Variants in RNGTT observed in about 807,000 individuals in gnomAD.
RNGTT encodes RNA guanylyltransferase and 5'-phosphatase.
In RNGTT, 33 loss-of-function variants were observed where a neutral mutation model predicts 79.3. The ratio of observed to expected loss-of-function variants is 0.42; its 90% CI spans 0.32 to 0.56. The LOEUF is 0.56. Among genes scored for constraint, RNGTT ranks in the 20% least tolerant of loss-of-function variants. The probability of loss-of-function intolerance (pLI) is 0.17; values close to 1 mark genes in which losing one functional copy is unlikely to be tolerated. For synonymous variants in RNGTT, 222 were observed against 235.9 expected (o/e 0.94, Z 0.54); for missense variants, 497 against 739.1 (o/e 0.67, Z 3.80).
intron 13 of RNGTT, among the ~76,000 whole-genome samples, chr6:88,686,688 T>C (rs1217135236): frequency 1.3e-5 from 2 of 152,128 alleles, no homozygotes; most frequent in Non-Finnish European, 2.9e-5. Flanking sequence ...ATCTTTCTAA[T>C]AAATAGTGCA....
chr6:88,898,368 G>A (rs1481476238), intron 6 of RNGTT, among the ~76,000 whole-genome samples: 1 of 151,810 alleles, frequency 6.6e-6, no homozygotes, highest in African/African-American at 2.4e-5. Flanking sequence ...TTTTCATGCT[G>A]CATGCTGGAA....
intron 13 of RNGTT, among the ~76,000 whole-genome samples, chr6:88,690,310 T>A (rs1412523410): frequency 2.0e-5 from 3 of 152,114 alleles, no homozygotes; most frequent in African/African-American, 7.2e-5. Flanking sequence ...CCTATGGTTA[T>A]GTAAGATATT....
chr6:88,657,159 G>A (rs1774010180), intron 14 of RNGTT, among the ~76,000 whole-genome samples: 1 of 152,184 alleles, frequency 6.6e-6, no homozygotes, highest in Non-Finnish European at 1.5e-5. Flanking sequence ...GAAGTGGCTT[G>A]CTGCTGCAAA....
chr6:88,859,392 T>A (rs1781938279), intron 8 of RNGTT, among the ~76,000 whole-genome samples: 1 of 152,158 alleles, frequency 6.6e-6, no homozygotes, highest in Non-Finnish European at 1.5e-5. Context: ...GGAAGCACTA[T>A]GACCCGCAGG....
intron 11 of RNGTT, among the ~76,000 whole-genome samples, chr6:88,807,373 T>C (rs963465027): frequency 2.6e-5 from 4 of 151,878 alleles, no homozygotes; most frequent in African/African-American, 9.7e-5. Flanking sequence ...CAATTGAAAA[T>C]GCAGAAATAA....
intron 11 of RNGTT, among the ~76,000 whole-genome samples, chr6:88,806,969 C>T (rs956681280): frequency 4.6e-5 from 7 of 152,148 alleles, no homozygotes; most frequent in African/African-American, 1.4e-4. Flanking sequence ...AAGCCATTAT[C>T]CTCGGCAAAC....
chr6:88,679,478 A>G (rs954348979), intron 13 of RNGTT, among the ~76,000 whole-genome samples: 12 of 152,326 alleles, frequency 7.9e-5, no homozygotes, highest in Admixed American at 6.5e-4. Flanking sequence ...AATGGCATAT[A>G]TTTTATTTTG....
intron 11 of RNGTT, among the ~76,000 whole-genome samples, chr6:88,830,475 G>A (rs1006696366): frequency 6.6e-6 from 1 of 152,072 alleles, no homozygotes; most frequent in African/African-American, 2.4e-5. Context: ...GAGAAAGCGG[G>A]AAAGATCTTA....
rs369739305 is a variant in RNGTT at position 88,877,612 on chromosome 6, A to G, written c.896+12883T>C. ...AATGCAACCCCATATGCTTTCCTCA[A>G]TTTGCAGCAACCAAAGCATTACTGC... is the stretch of plus-strand genomic sequence containing the variant. On this transcript the variant is annotated intron_variant, in intron 8 of 15. Transcript: ENST00000369485. Among the ~76,000 whole-genome samples, 6 of 152,152 alleles carry G rather than the reference A, an allele frequency of 3.9e-5. No homozygotes were observed. The East Asian group carries it at 7.7e-4, about 20-fold the overall frequency.
At chr6:88,799,871 T>G (rs1779728185) in intron 12 of RNGTT, among the ~76,000 whole-genome samples, 1 of 152,146 alleles carries the variant, frequency 6.6e-6, no homozygotes, top group African/African-American at 2.4e-5. Flanking sequence ...ACTGAAATTT[T>G]CTGAATTTAT....
chr6:88,722,169 A>G (rs191216113), intron 13 of RNGTT, among the ~76,000 whole-genome samples: 1 of 151,744 alleles, frequency 6.6e-6, no homozygotes, highest in African/African-American at 2.4e-5. Context: ...GTCATTAGCA[A>G]AATGTTTAGA....
chr6:88,638,166 C>G (rs1773170468), intron 14 of RNGTT, among the ~76,000 whole-genome samples: 1 of 152,112 alleles, frequency 6.6e-6, no homozygotes, highest in Admixed American at 6.6e-5. Flanking sequence ...CCAAAACAAA[C>G]TAAAAAACTG....
intron 1 of RNGTT, among the ~76,000 whole-genome samples, chr6:88,942,637 C>G (rs1784888345): frequency 6.6e-6 from 1 of 152,146 alleles, no homozygotes; most frequent in Non-Finnish European, 1.5e-5. Flanking sequence ...TCCCAAAATG[C>G]TGGGATTATA....
intron 11 of RNGTT, among the ~76,000 whole-genome samples, chr6:88,831,775 A>G (rs1284413530): frequency 6.6e-6 from 1 of 152,212 alleles, no homozygotes; most frequent in Non-Finnish European, 1.5e-5. Flanking sequence ...AAAAATCACA[A>G]GCATTCTCAT....
intron 1 of RNGTT, among the ~76,000 whole-genome samples, chr6:88,958,758 G>A (rs1785515763): frequency 6.6e-6 from 1 of 152,200 alleles, no homozygotes; most frequent in Admixed American, 6.5e-5. Context: ...TACACTGCTG[G>A]TGGGAATGTA....
intron 11 of RNGTT, among the ~76,000 whole-genome samples, chr6:88,806,165 C>T (rs1174689274): frequency 1.3e-5 from 2 of 151,870 alleles, no homozygotes; most frequent in African/African-American, 4.8e-5. Context: ...CACACATACA[C>T]AAAGGAAAAA....
chr6:88,913,028 A>T (rs1444406753), intron 4 of RNGTT, among the ~76,000 whole-genome samples: 1 of 151,924 alleles, frequency 6.6e-6, no homozygotes, highest in Non-Finnish European at 1.5e-5. Flanking sequence ...ACATGGCAAA[A>T]CCCCATCTCT....
At chr6:88,852,859 A>T (rs1191285134) in intron 9 of RNGTT, among the ~76,000 whole-genome samples, 1 of 152,174 alleles carries the variant, frequency 6.6e-6, no homozygotes, top group Non-Finnish European at 1.5e-5. Context: ...CACAGTCAAG[A>T]TAGTTTGGAA....
intron 12 of RNGTT, among the ~76,000 whole-genome samples, chr6:88,785,218 G>A (rs1453958609): frequency 1.3e-5 from 2 of 151,830 alleles, no homozygotes; most frequent in Admixed American, 1.3e-4. Flanking sequence ...GGAATTCACC[G>A]CTTCTTTCAT....
Sources: allele counts gnomAD v4.1 joint callset (sites outside exome capture counted in the v4.1 genomes callset), GRCh38; gene constraint gnomAD v4.1.1; transcripts MANE v1.5; gene names NCBI Gene and HGNC (gene_info 2026-07-23, HGNC 2026-07-21).